CAMKK1: variants seen among roughly 807,000 people sequenced by gnomAD.
CAMKK1 encodes the protein calcium/calmodulin dependent protein kinase kinase 1.
A neutral mutation model predicts 63.5 loss-of-function variants in CAMKK1; 20 were observed. That is an observed-to-expected ratio of 0.32 (90% CI 0.22 to 0.46). CAMKK1 has a LOEUF of 0.46. Among genes scored for constraint, CAMKK1 ranks in the 20% least tolerant of loss-of-function variants. The pLI is 1.00. For synonymous variants in CAMKK1, 253 were observed against 269.0 expected (o/e 0.94, Z 0.58); for missense variants, 588 against 658.1 (o/e 0.89, Z 1.17).
Position 3,865,992 on chromosome 17 carries a change from A to C in CAMKK1, c.1361T>G (p.Leu454Arg). ...CGGGTTCCCAAAGGAACGCTTCCTC[A>C]GCATGGACTTCACCAGGATCTGAGG... ...WTTVILVKSM[L>R]RKRSFGNPFE... The change falls in exon 15 of 16, where the codon CTG (leucine) becomes CGG (arginine). Residue 454 changes from leucine (L) to arginine (R), a missense_variant. Around this residue, in one of 3 missense-constraint regions of CAMKK1, gnomAD observed 226 missense variants for 229.2 expected, o/e 0.99. Transcript: ENST00000348335. The C allele has an allele frequency of 2.5e-6, 4 of 1,614,146 alleles. No individual in the cohort carries two copies. Among genetic ancestry groups the C allele is most frequent in the Non-Finnish European group, 3.4e-6 (4 of 1,180,010 alleles).
rs1241588822 is a variant in CAMKK1, at chr17:3,890,752, T to C, written c.-44+2187A>G. 1.3e-6 allele frequency: 1 copy of C among 779,686 alleles called. No homozygotes were observed. The highest frequency in any genetic ancestry group is 2.4e-6 in the Non-Finnish European group (1 of 417,992). 48.3% of individuals were successfully genotyped at this position (779,686 alleles called of 1,614,324 possible). A position where few individuals can be genotyped will look rare whatever the true frequency, so the allele number is the denominator to read the frequency against. ...GCATACTCTGTTCTGCTGCCAGGCC[T>C]CAGTACAAGCTGTGCCTTCTGCCAG... On this transcript the variant is annotated intron_variant, in intron 1 of 15. Transcript: ENST00000348335. This position sits in a 1 kb window ranked among gnomAD's most constrained non-coding sequence, Gnocchi z 6.5.
Position 3,884,735 on chromosome 17 carries a change from T to C in CAMKK1, c.361-308A>G, listed in dbSNP as rs528922636. ...CTGGAGTCTGGAAGACCCTAATCCATGAGAAACCCATGAGCAACTATTTCC... is the reference window on the plus strand; with the variant it reads ...CTGGAGTCTGGAAGACCCTAATCCACGAGAAACCCATGAGCAACTATTTCC... On this transcript the variant is annotated intron_variant, in intron 2 of 15. Transcript: ENST00000348335. This position sits in a 1 kb window ranked among gnomAD's most constrained non-coding sequence, Gnocchi z 4.5. Among the ~76,000 whole-genome samples, 1 of 152,248 alleles carries C rather than the reference T, an allele frequency of 6.6e-6. No homozygotes were observed. The highest frequency in any genetic ancestry group is 1.9e-4 in the East Asian group (1 of 5,184).
At position 3,876,380 on chromosome 17, in the gene CAMKK1, T is replaced by C. The variant is rs1378766504; in HGVS notation, c.839A>G (p.Asn280Ser). Residue 280 changes from asparagine to serine, a missense_variant, in exon 10 of 16, where the codon AAC (asparagine) becomes AGC (serine). Physicochemically the swap from Asn to Ser is conservative, Grantham distance 46. Coordinates refer to ENST00000348335, the MANE Select transcript of CAMKK1 (RefSeq NM_032294.3). ...KIVHRDIKPS[N>S]LLLGDDGHVK... ...GTGCCCATCATCCCCCAGGAGCAGGTTGGATGGCTTGATGTCCCTGTGGAC... is the reference window on the plus strand; with the variant it reads ...GTGCCCATCATCCCCCAGGAGCAGGCTGGATGGCTTGATGTCCCTGTGGAC... 3.7e-6 allele frequency: 6 copies of C among 1,614,180 alleles called. No homozygotes were observed. Among genetic ancestry groups the C allele is most frequent in the Non-Finnish European group, 5.1e-6 (6 of 1,180,032 alleles).
chr17:3,863,610 A>G (rs2054400203), intron 15 of CAMKK1, among the ~76,000 whole-genome samples: 1 of 152,122 alleles, frequency 6.6e-6, no homozygotes, highest in Non-Finnish European at 1.5e-5. Context: ...GTGGTGGCTC[A>G]TGCCTGTAAT....
chr17:3,882,591 TG>T lies in CAMKK1; in HGVS notation c.649-28del. 9 of 1,584,780 alleles carry T rather than the reference TG, an allele frequency of 5.7e-6. No homozygotes were observed. The highest frequency in any genetic ancestry group is 7.7e-6 in the Non-Finnish European group (9 of 1,165,572). On this transcript the variant is annotated intron_variant, in intron 6 of 15. Transcript: ENST00000348335. The surrounding 1 kb of genome is among the most constrained non-coding windows in gnomAD (Gnocchi z 4.3). ...TGGTCAGAGGGAGCAGACATGGGGG[TG>T]GGGCTTGAGGAGGCGTGGGGTTGGA...
At chr17:3,872,672 G>A (rs368244625) in intron 11 of CAMKK1, 45 bp from the exon 12 acceptor site, 147 of 1,554,214 alleles carry the variant, frequency 9.5e-5, no homozygotes, top group Non-Finnish European at 1.3e-4. Flanking sequence ...CCAGGGCCTC[G>A]ACCTGTGCCA....
At chr17:3,865,424 T>A in intron 15 of CAMKK1, 2 of 991,488 alleles carry the variant, frequency 2.0e-6, no homozygotes, top group Non-Finnish European at 2.4e-6. Flanking sequence ...CTGGGCCACT[T>A]GGGAGAGCAG....
chr17:3,866,780 C>T (rs932810000), intron 14 of CAMKK1, among the ~76,000 whole-genome samples: 3 of 151,986 alleles, frequency 2.0e-5, no homozygotes, highest in African/African-American at 7.3e-5. Flanking sequence ...AGTGCAGTGG[C>T]ACAATCTCGG....
chr17:3,877,327 A>C (rs1051631368), intron 9 of CAMKK1, among the ~76,000 whole-genome samples: 1 of 152,120 alleles, frequency 6.6e-6, no homozygotes, highest in Admixed American at 6.6e-5. Flanking sequence ...CTGGGGTGTA[A>C]GGTCAGCCAC....
Position 3,869,624 on chromosome 17 carries a change from G to C in CAMKK1, c.1213-9C>G. 1 of 1,614,144 alleles carries C rather than the reference G, an allele frequency of 6.2e-7. No homozygotes were observed. ...GTCACCCAAGGGTGCAACTGTCGGG[G>C]CCGGGAGGGCAGGGAGAGGGGGAGA... On this transcript the variant is annotated splice_polypyrimidine_tract_variant and intron_variant, in intron 13 of 15. Transcript: ENST00000348335.
Position 3,876,327 on chromosome 17 carries a change from T to C in CAMKK1, c.892A>G (p.Asn298Asp), listed in dbSNP as rs777922449. The stretch of plus-strand genomic sequence containing the variant: ...TGAGCGTCGTTCCCCTCAAACTGGT[T>C]GCTGACGCCAAAGTCGGCGATCTTC... ...HVKIADFGVS[N>D]QFEGNDAQLS... Residue 298 changes from asparagine to aspartate, a missense_variant, in exon 10 of 16, where the codon AAC becomes GAC. Asn to Asp is a conservative substitution (Grantham distance 23). Coordinates refer to ENST00000348335, the MANE Select transcript of CAMKK1 (RefSeq NM_032294.3). 6.2e-7 allele frequency: 1 copy of C among 1,614,206 alleles called. No homozygotes were observed. Among genetic ancestry groups the C allele is most frequent in the South Asian group, 1.1e-5 (1 of 91,086 alleles).
Position 3,885,735 on chromosome 17 carries a change from G to T in CAMKK1, c.-43-5C>A. The T allele has an allele frequency of 1.2e-6, 2 of 1,600,516 alleles. No homozygotes were observed. Among genetic ancestry groups the T allele is most frequent in the South Asian group, 1.1e-5 (1 of 90,750 alleles). On this transcript the variant is annotated splice_region_variant and splice_polypyrimidine_tract_variant and intron_variant, in intron 1 of 15. Transcript: ENST00000348335. Reference sequence around the variant, plus strand: ...CTGCGTAGCCTTGTTGGGAACCTGAGAAAAGAAGGCAGAGAAGGCTTCACT... The same window carrying T: ...CTGCGTAGCCTTGTTGGGAACCTGATAAAAGAAGGCAGAGAAGGCTTCACT...
Position 3,861,896 on chromosome 17 carries a change from C to G in CAMKK1, c.*315G>C. On this transcript the variant is annotated 3_prime_UTR_variant, in exon 16 of 16. Coordinates refer to ENST00000348335, the MANE Select transcript of CAMKK1 (RefSeq NM_032294.3). The stretch of plus-strand genomic sequence containing the variant: ...CCTGCCTCTGCCTCCTGCCCCAGGC[C>G]ATGCCAACCAGCCGGGTGGCATTTC... 2.5e-6 allele frequency: 1 copy of G among 404,312 alleles called. No homozygotes were observed. The highest frequency in any genetic ancestry group is 4.6e-6 in the Non-Finnish European group (1 of 217,834). The allele number at this position is 404,312 out of a possible 1,614,324, so 25.0% of individuals were successfully genotyped here.
intron 12 of CAMKK1, among the ~76,000 whole-genome samples, chr17:3,871,333 G>GTTTTTTTTTTTT (rs71155812): frequency 1.8e-5 from 2 of 111,006 alleles, no homozygotes; most frequent in Admixed American, 1.0e-4. Flanking sequence ...GTTGTTTTTT[G>GTTTTTTTTTTTT]TTTTTTTTTT....
rs1157846184 is a variant in CAMKK1 at position 3,862,209 on chromosome 17, G to A, written c.*2C>T. ...CGGGTGGCCCTGGGTGCATGCAGGG[G>A]CTCAGGATGCAGCCTCGTCTTCCTG... On this transcript the variant is annotated 3_prime_UTR_variant, in exon 16 of 16. Coordinates refer to ENST00000348335, the MANE Select transcript of CAMKK1 (RefSeq NM_032294.3). The surrounding 1 kb of genome is among the most constrained non-coding windows in gnomAD (Gnocchi z 4.1). 7.6e-6 allele frequency: 12 copies of A among 1,581,586 alleles called. No individual in the cohort carries two copies. The highest frequency in any genetic ancestry group is 1.3e-5 in the African/African-American group (1 of 74,302).
chr17:3,883,189 G>A lies in CAMKK1; in HGVS notation c.515-14C>T, dbSNP rs201712033. 33 of 1,608,398 alleles carry A rather than the reference G, an allele frequency of 2.1e-5. No individual in the cohort carries two copies. Among genetic ancestry groups the A allele is most frequent in the Admixed American group, 1.8e-4 (11 of 59,960 alleles). On this transcript the variant is annotated splice_polypyrimidine_tract_variant and intron_variant, in intron 5 of 15. Coordinates refer to ENST00000348335, the MANE Select transcript of CAMKK1 (RefSeq NM_032294.3). The surrounding 1 kb of genome is among the most constrained non-coding windows in gnomAD (Gnocchi z 4.7). Reference sequence around the variant, plus strand: ...GGGGAGGGCGACCTGTGACCAGGAAGAGAACTCAAACACCTGTTCCAGGTG... The same window carrying A: ...GGGGAGGGCGACCTGTGACCAGGAAAAGAACTCAAACACCTGTTCCAGGTG...
intron 14 of CAMKK1, among the ~76,000 whole-genome samples, chr17:3,866,243 G>A (rs1056305045): frequency 6.6e-6 from 1 of 152,246 alleles, no homozygotes; most frequent in Admixed American, 6.5e-5. Context: ...GCCGGGACCA[G>A]CCCATGAAGG....
In CAMKK1 at chr17:3,889,200, C is replaced by CTGGAA. The variant is rs2055793244; in HGVS notation, c.-43-3471_-43-3470insTTCCA. On this transcript the variant is annotated intron_variant, in intron 1 of 15. Transcript: ENST00000348335. This position sits in a 1 kb window ranked among gnomAD's most constrained non-coding sequence, Gnocchi z 5.2. ...GCCCCGGGCGGAAACCCAGGCCCAT[C>CTGGAA]TGGAGGCTCACACAGGGGGTGTCTC... Among the ~76,000 whole-genome samples the CTGGAA allele has an allele frequency of 6.6e-6, 1 of 152,114 alleles. No individual in the cohort carries two copies. Among genetic ancestry groups the CTGGAA allele is most frequent in the East Asian group, 1.9e-4 (1 of 5,178 alleles).
In CAMKK1 at chr17:3,865,665, C is replaced by A. The variant is rs1042990224; in HGVS notation, c.1445+243G>T. On this transcript the variant is annotated intron_variant, in intron 15 of 15. Coordinates refer to ENST00000348335, the MANE Select transcript of CAMKK1 (RefSeq NM_032294.3). ...TGGAGGGGCTGCGTGAGCTCCTCAT[C>A]CCTGGAAGTGTGTGTGTGAGGGATG... The A allele has an allele frequency of 2.5e-5, 35 of 1,382,542 alleles. No individual in the cohort carries two copies. The African/African-American group carries it at 5.1e-4, about 20-fold the overall frequency. The allele number at this position is 1,382,542 out of a possible 1,614,324, so 85.6% of individuals were successfully genotyped here. A position where few individuals can be genotyped will look rare whatever the true frequency, so the allele number is the denominator to read the frequency against.
Sources: allele counts gnomAD v4.1 joint callset (sites outside exome capture counted in the v4.1 genomes callset), GRCh38; gene constraint gnomAD v4.1.1; regional missense constraint gnomAD v4.1.1; non-coding constraint Gnocchi (gnomAD v3.1); transcripts MANE v1.5; gene names NCBI Gene and HGNC (gene_info 2026-07-23, HGNC 2026-07-21).